The following NUMB variants were observed in gnomAD, a reference collection of about 807,000 sequenced individuals.
NUMB encodes the protein protein numb homolog.
Under a neutral mutation model 59.7 loss-of-function variants are expected in NUMB, and 29 were observed. That is an observed-to-expected ratio of 0.49 (90% CI 0.36 to 0.66). The LOEUF (loss-of-function observed/expected upper bound fraction) is 0.66, where lower values mean the gene tolerates loss of function less well. Ranked by LOEUF, NUMB falls within the 30% of genes least tolerant of loss-of-function variation. The pLI is 0.00. For synonymous variants in NUMB, 288 were observed against 288.2 expected, an observed-to-expected ratio of 1.00 and a Z score of 0.01; for missense variants, 723 against 822.0, an observed-to-expected ratio of 0.88 and a Z score of 1.47.
intron 4 of NUMB, among the ~76,000 whole-genome samples, chr14:73,349,337 T>C (rs1893075928): frequency 2.6e-5 from 4 of 151,084 alleles, no homozygotes; most frequent in South Asian, 4.2e-4. Flanking sequence ...CCTGTAATCC[T>C]AGCACTTTGG....
chr14:73,450,775 C>T (rs113478339), intron 1 of NUMB, among the ~76,000 whole-genome samples: 2 of 150,718 alleles, frequency 1.3e-5, no homozygotes, highest in Non-Finnish European at 3.0e-5. Context: ...GAAGACAGAG[C>T]GAGACCCCAT....
At chr14:73,453,770 G>C (rs764184353) in intron 1 of NUMB, among the ~76,000 whole-genome samples, 47 of 152,030 alleles carry the variant, frequency 3.1e-4, no homozygotes, top group Admixed American at 5.2e-4. Flanking sequence ...ACCATGCCCA[G>C]CTAATTTTTT....
At chr14:73,436,739 C>T (rs974735650) in intron 1 of NUMB, among the ~76,000 whole-genome samples, 6 of 151,742 alleles carry the variant, frequency 4.0e-5, no homozygotes, top group African/African-American at 9.7e-5. Context: ...CCAGCACTTT[C>T]GGAGGCTGAG....
At position 73,277,307 on chromosome 14, in the gene NUMB, G is replaced by T; in HGVS notation, c.1241-14C>A. The T allele has an allele frequency of 6.4e-7, 1 of 1,571,566 alleles. No individual in the cohort carries two copies. The highest frequency in any genetic ancestry group is 8.7e-7 in the Non-Finnish European group (1 of 1,150,894). On this transcript the variant is annotated splice_polypyrimidine_tract_variant and intron_variant, in intron 12 of 12. Coordinates refer to ENST00000555238, the MANE Select transcript of NUMB (RefSeq NM_001005743.2). ...CCCACTCGGTCCCTGGAACCAACAA[G>T]ATGAGAGACAAAAGAATCAGTTAGG...
intron 4 of NUMB, among the ~76,000 whole-genome samples, chr14:73,352,525 TA>T (rs1893439487): frequency 4.3e-5 from 1 of 23,332 alleles, no homozygotes; most frequent in African/African-American, 1.4e-4. Context: ...TATATATATA[TA>T]TATGTTTTTT....
intron 1 of NUMB, among the ~76,000 whole-genome samples, chr14:73,427,403 T>G (rs1024313012): frequency 6.6e-6 from 1 of 151,962 alleles, no homozygotes; most frequent in Non-Finnish European, 1.5e-5. Flanking sequence ...AGGCAGAGGT[T>G]GCAGTGAGCC....
intron 5 of NUMB, among the ~76,000 whole-genome samples, chr14:73,317,064 A>T (rs1481261029): frequency 1.3e-5 from 2 of 152,216 alleles, no homozygotes; most frequent in African/African-American, 4.8e-5. Flanking sequence ...CATTAGTATC[A>T]ATCTATATGT....
intron 2 of NUMB, among the ~76,000 whole-genome samples, chr14:73,396,220 T>A (rs11159017): frequency 3.3e-5 from 5 of 151,538 alleles, no homozygotes; most frequent in African/African-American, 9.7e-5. Flanking sequence ...AGTGCTGAGA[T>A]TACAGGCATG....
chr14:73,329,094 C>T lies in NUMB; in HGVS notation c.127-5890G>A, dbSNP rs1203862854. On this transcript the variant is annotated intron_variant, in intron 4 of 12. Transcript: ENST00000555238. ...TGTTGGTCAGGCTGATCTGGAACTC[C>T]CGACCTCAGGTGATCCACCCGCCTC... is the stretch of plus-strand genomic sequence containing the variant. 3.3e-5 allele frequency among the ~76,000 whole-genome samples: 5 copies of T among 152,152 alleles called. No individual in the cohort carries two copies. In the East Asian group the frequency reaches 9.6e-4, roughly 29 times the overall value.
At chr14:73,348,416 G>A (rs1014129750) in intron 4 of NUMB, among the ~76,000 whole-genome samples, 1 of 152,150 alleles carries the variant, frequency 6.6e-6, no homozygotes, top group Non-Finnish European at 1.5e-5. Flanking sequence ...CAACACCAGG[G>A]GCCATAGCCC....
Position 73,277,231 on chromosome 14 carries a change from G to A in NUMB, c.1303C>T (p.Arg435Cys), listed in dbSNP as rs757282336. Residue 435 changes from arginine (R) to cysteine (C), a missense_variant, in exon 13 of 13, where the codon CGT becomes TGT. This residue lies in a region of NUMB where 406 missense variants were observed against 385.4 expected (regional missense o/e 1.05). Transcript: ENST00000555238. ...SPGLFQAGHRRTPSEADRWLE... is the reference protein window; with the variant it reads ...SPGLFQAGHRCTPSEADRWLE... ...CATCGGTCGGCCTCAGAGGGAGTAC[G>A]TCTATGACCGGCCTGGAAGAGACCT... 3.7e-5 allele frequency: 60 copies of A among 1,613,472 alleles called. No homozygotes were observed. The highest frequency in any genetic ancestry group is 6.7e-5 in the Admixed American group (4 of 59,984).
At chr14:73,382,558 C>T (rs1298504024) in intron 2 of NUMB, among the ~76,000 whole-genome samples, 4 of 152,008 alleles carry the variant, frequency 2.6e-5, no homozygotes, top group Non-Finnish European at 4.4e-5. Context: ...CCTCTGGTAC[C>T]TCTGAAATAC....
chr14:73,290,160 T>G (rs576353736), intron 8 of NUMB, among the ~76,000 whole-genome samples: 2 of 152,290 alleles, frequency 1.3e-5, no homozygotes, highest in Admixed American at 1.3e-4. Flanking sequence ...ACTCTTGAAC[T>G]CCAGATTTTT....
intron 3 of NUMB, among the ~76,000 whole-genome samples, chr14:73,361,013 C>T (rs148940063): frequency 1.4e-3 from 207 of 152,118 alleles, no homozygotes; most frequent in Middle Eastern, 6.8e-3. Context: ...CTCAGCCTCC[C>T]GAGTAGCTGG....
chr14:73,395,063 G>A (rs1594985470), intron 2 of NUMB, among the ~76,000 whole-genome samples: 1 of 149,922 alleles, frequency 6.7e-6, no homozygotes, highest in Non-Finnish European at 1.5e-5. Context: ...GTGTGTGTGT[G>A]TGTGTGTGTG....
At chr14:73,315,884 T>C (rs1035083568) in intron 6 of NUMB, among the ~76,000 whole-genome samples, 3 of 152,132 alleles carry the variant, frequency 2.0e-5, no homozygotes, top group Non-Finnish European at 4.4e-5. Flanking sequence ...GATTCATTTA[T>C]TGGAATTTCT....
chr14:73,374,296 C>T (rs1354427699), intron 2 of NUMB, among the ~76,000 whole-genome samples: 4 of 152,142 alleles, frequency 2.6e-5, no homozygotes, highest in African/African-American at 9.7e-5. Context: ...ACTGGGATTA[C>T]AGGTGTGAGC....
At position 73,276,888 on chromosome 14, in the gene NUMB, T is replaced by C. The variant is rs146690062; in HGVS notation, c.1646A>G (p.His549Arg). 1.9e-6 allele frequency: 3 copies of C among 1,613,986 alleles called. No homozygotes were observed. Among genetic ancestry groups the C allele is most frequent in the Non-Finnish European group, 2.5e-6 (3 of 1,179,910 alleles). The change falls in exon 13 of 13, where the codon CAT becomes CGT. Residue 549 changes from histidine (H) to arginine (R), a missense_variant. His to Arg is a conservative substitution (Grantham distance 29). Transcript: ENST00000555238. ...FGTAGHPQAA[H>R]PHQSPSLVRQ... ...GACCAGGCTGGGTGACTGATGGGGA[T>C]GGGCAGCCTGAGGGTGGCCTGCAGT...
intron 2 of NUMB, among the ~76,000 whole-genome samples, chr14:73,388,376 T>G (rs573427694): frequency 6.6e-6 from 1 of 152,320 alleles, no homozygotes; most frequent in Non-Finnish European, 1.5e-5. Context: ...TTGTAAGATA[T>G]AACTTCCTTG....
Sources: allele counts gnomAD v4.1 joint callset (sites outside exome capture counted in the v4.1 genomes callset), GRCh38; gene constraint gnomAD v4.1.1; regional missense constraint gnomAD v4.1.1; transcripts MANE v1.5; gene names NCBI Gene and HGNC (gene_info 2026-07-23, HGNC 2026-07-21).